RGL4: variants seen among roughly 807,000 people sequenced by gnomAD.
RGL4 encodes ral guanine nucleotide dissociation stimulator like 4, also known as ral-GDS-related protein.
In RGL4, 41 loss-of-function variants were observed where a neutral mutation model predicts 49.6. The observed-to-expected ratio is 0.83, with a 90% CI of 0.64 to 1.07. The LOEUF (loss-of-function observed/expected upper bound fraction) is 1.07. RGL4 is among the 50% of genes least tolerant of loss of function. The pLI is 0.00. For missense variants in RGL4, 610 were observed against 591.9 expected (o/e 1.03, Z -0.32); for synonymous variants, 255 against 238.0 (o/e 1.07, Z -0.66).
Position 23,692,867 on chromosome 22 carries a change from A to AG in RGL4, c.573dup (p.Ser192ValfsTer19). The stretch of plus-strand genomic sequence containing the variant: ...CCTCCAGGGACAGTGCTGGAGCCAC[A>AG]GTCAGCCCCAGAGTCCTCCTGTCCC... On this transcript the variant is annotated frameshift_variant, in exon 3 of 11. Coordinates refer to ENST00000290691, the MANE Select transcript of RGL4 (RefSeq NM_153615.2). LOFTEE classifies it high-confidence loss of function. 2 of 1,613,690 alleles carry AG rather than the reference A, an allele frequency of 1.2e-6. No homozygotes were observed. Among genetic ancestry groups the AG allele is most frequent in the Non-Finnish European group, 1.7e-6 (2 of 1,180,028 alleles).
chr22:23,693,706 T>A, intron 3 of RGL4, 53 bp from the exon 4 acceptor site: 1 of 1,417,400 alleles, frequency 7.1e-7, no homozygotes, highest in South Asian at 1.2e-5. Flanking sequence ...GGACTGTGGG[T>A]GACTCTGAGC....
chr22:23,693,970 C>T lies in RGL4; in HGVS notation c.908C>T (p.Ala303Val), dbSNP rs367775238. Residue 303 changes from alanine to valine, a missense_variant, in exon 4 of 11, where the codon GCC becomes GTC. By Grantham distance (64) the Ala-to-Val change is moderately conservative. Transcript: ENST00000290691. The stretch of plus-strand genomic sequence containing the variant: ...GTGGTGGAGCACTGGATCAAGGTGG[C>T]CAGGGTAAGCTATGGTTGGGCCTGG... ...ARVVEHWIKV[A>V]RECLSLNNFS... 24 of 1,613,044 alleles carry T rather than the reference C, an allele frequency of 1.5e-5. No homozygotes were observed. The highest frequency in any genetic ancestry group is 1.7e-4 in the Middle Eastern group (1 of 6,046).
At chr22:23,695,447 GC>G in intron 6 of RGL4, 1 of 582,836 alleles carries the variant, frequency 1.7e-6, no homozygotes, top group Non-Finnish European at 2.9e-6. Context: ...CTCTGCTGCT[GC>G]TGCTGCTGCT....
At chr22:23,693,258 G>T in intron 3 of RGL4, 1 of 587,130 alleles carries the variant, frequency 1.7e-6, no homozygotes, top group South Asian at 2.2e-5. Context: ...GGTGCTCACT[G>T]TGGGGCAGGC....
intron 1 of RGL4, 30 bp from the exon 2 acceptor site, chr22:23,692,305 C>T: frequency 6.2e-7 from 1 of 1,611,472 alleles, no homozygotes; most frequent in Non-Finnish European, 8.5e-7. Flanking sequence ...AAGGCCAGGC[C>T]TCTGACTCAG....
intron 3 of RGL4, 116 bp downstream of exon 3, chr22:23,693,107 T>C: frequency 6.9e-7 from 1 of 1,439,152 alleles, no homozygotes; most frequent in Non-Finnish European, 9.1e-7. Context: ...TTACCAACCG[T>C]GGGATCTGGA....
chr22:23,693,411 G>A (rs1036028192), intron 3 of RGL4, among the ~76,000 whole-genome samples: 8 of 152,350 alleles, frequency 5.3e-5, no homozygotes, highest in African/African-American at 9.6e-5. Flanking sequence ...GCACCGGTAC[G>A]GAGAGGAGTA....
Position 23,697,864 on chromosome 22 carries a change from G to A in RGL4, c.1260+3G>A, listed in dbSNP as rs571221417. Reference sequence around the variant, plus strand: ...GCAACACCAACAAGAGGAGCAAGGTGAGCAGCTGGGGCACTCACGTTGGAT... The same window carrying A: ...GCAACACCAACAAGAGGAGCAAGGTAAGCAGCTGGGGCACTCACGTTGGAT... On this transcript the variant is annotated splice_donor_region_variant and intron_variant, in intron 9 of 10. Transcript: ENST00000290691. 1.9e-6 allele frequency: 3 copies of A among 1,606,294 alleles called. No homozygotes were observed. The highest frequency in any genetic ancestry group is 1.3e-5 in the African/African-American group (1 of 74,998).
intron 9 of RGL4, 28 bp downstream of exon 9, chr22:23,697,889 T>G (rs1170195502): frequency 3.7e-6 from 6 of 1,600,104 alleles, no homozygotes; most frequent in Non-Finnish European, 5.1e-6. Flanking sequence ...TCACGTTGGA[T>G]GAGGGTGGGG....
intron 6 of RGL4, chr22:23,696,357 C>T (rs1923491286): frequency 7.1e-7 from 1 of 1,410,798 alleles, no homozygotes; most frequent in African/African-American, 1.4e-5. Context: ...ACGGCAACAG[C>T]TACAGGAAAC....
intron 9 of RGL4, 35 bp from the exon 10 acceptor site, chr22:23,698,177 C>A: frequency 6.3e-7 from 1 of 1,586,150 alleles, no homozygotes; most frequent in Non-Finnish European, 8.6e-7. Context: ...CAACTTCCAC[C>A]CAGGCCCTGT....
At chr22:23,697,498 G>A (rs899845876) in intron 8 of RGL4, among the ~76,000 whole-genome samples, 8 of 152,300 alleles carry the variant, frequency 5.3e-5, no homozygotes, top group African/African-American at 1.9e-4. Flanking sequence ...GCTGAGGTGT[G>A]GGCTGAACTG....
chr22:23,691,651 C>A lies in RGL4; in HGVS notation c.-380C>A, dbSNP rs939709450. 2 of 205,716 alleles carry A rather than the reference C, an allele frequency of 9.7e-6. No individual in the cohort carries two copies. Among genetic ancestry groups the A allele is most frequent in the East Asian group, 2.1e-4 (2 of 9,570 alleles). 12.7% of individuals were successfully genotyped at this position (205,716 alleles called of 1,614,324 possible). A position where few individuals can be genotyped will look rare whatever the true frequency, so the allele number is the denominator to read the frequency against. On this transcript the variant is annotated 5_prime_UTR_variant, in exon 1 of 11. Transcript: ENST00000290691. Reference sequence around the variant, plus strand: ...ATGGTGGCATCCTCCCAGATTCTGACTAGAATGACGCAGCCCAGCAACAAA... The same window carrying A: ...ATGGTGGCATCCTCCCAGATTCTGAATAGAATGACGCAGCCCAGCAACAAA...
chr22:23,695,516 C>T, intron 6 of RGL4: 1 of 497,030 alleles, frequency 2.0e-6, no homozygotes, highest in Non-Finnish European at 3.7e-6. Context: ...CCTTGGCCTG[C>T]ACTGGGGGAG....
At chr22:23,696,518 T>TC in intron 6 of RGL4, 96 bp from the exon 7 acceptor site, 1 of 1,592,196 alleles carries the variant, frequency 6.3e-7, no homozygotes, top group Non-Finnish European at 8.5e-7. Flanking sequence ...GCCAGGTGGC[T>TC]CCCGCCACTC....
At chr22:23,693,701 GTGGGTGA>G in intron 3 of RGL4, 51 bp from the exon 4 acceptor site, 1 of 1,376,366 alleles carries the variant, frequency 7.3e-7, no homozygotes, top group Non-Finnish European at 1.0e-6. Flanking sequence ...GCCTGGGACT[GTGGGTGA>G]CTCTGAGCTG....
rs1199158663 is a variant in RGL4, at chr22:23,698,293, AC to A, written c.1344del (p.Tyr449IlefsTer54). On this transcript the variant is annotated frameshift_variant, in exon 10 of 11. Coordinates refer to ENST00000290691, the MANE Select transcript of RGL4 (RefSeq NM_153615.2). LOFTEE classifies it low-confidence loss of function (END_TRUNC). Reference sequence around the variant, plus strand: ...GCTTCGGCCTCTTGAGAAATTTGTCACCTATTTCACAAGAATGGAGCAGCTC... The same window carrying A: ...GCTTCGGCCTCTTGAGAAATTTGTCACTATTTCACAAGAATGGAGCAGCTC... Reference protein sequence around the residue: ...YRLRPLEKFVTYFTRMEQLSD... With the variant: ...YRLRPLEKFVXYFTRMEQLSD... 4.3e-6 allele frequency: 7 copies of A among 1,611,144 alleles called. No individual in the cohort carries two copies. The African/African-American group carries it at 8.0e-5, about 18-fold the overall frequency.
intron 5 of RGL4, 174 bp from the exon 6 acceptor site, chr22:23,694,776 G>A (rs953467116): frequency 1.6e-4 from 104 of 635,716 alleles, no homozygotes; most frequent in Non-Finnish European, 2.6e-4. Context: ...GGGCCCAGGG[G>A]AGGAGCATGA....
intron 2 of RGL4, 30 bp from the exon 3 acceptor site, chr22:23,692,639 C>T: frequency 1.3e-6 from 2 of 1,575,446 alleles, no homozygotes; most frequent in Non-Finnish European, 1.7e-6. Flanking sequence ...TGAAAAATGA[C>T]TGGTGTGGTG....
Sources: allele counts gnomAD v4.1 joint callset (sites outside exome capture counted in the v4.1 genomes callset), GRCh38; gene constraint gnomAD v4.1.1; transcripts MANE v1.5; gene names NCBI Gene and HGNC (gene_info 2026-07-23, HGNC 2026-07-21).